ADAMTSL3: variants seen among roughly 807,000 people sequenced by gnomAD.
The protein encoded by ADAMTSL3 is ADAMTS-like protein 3.
Under a neutral mutation model 201.7 loss-of-function variants are expected in ADAMTSL3, and 128 were observed. The observed-to-expected ratio is 0.63, with a 90% confidence interval of 0.55 to 0.73. ADAMTSL3 has a LOEUF of 0.73. ADAMTSL3 is among the 30% of genes least tolerant of loss of function. The probability of loss-of-function intolerance (pLI) is 0.00; values close to 1 mark genes in which losing one functional copy is unlikely to be tolerated. For synonymous variants in ADAMTSL3, 738 were observed against 748.4 expected (o/e 0.99, Z 0.23); for missense variants, 1,990 against 2,119.6 (o/e 0.94, Z 1.20).
intron 10 of ADAMTSL3, 145 bp from the exon 11 acceptor site, chr15:83,889,964 T>C: frequency 5.2e-6 from 4 of 762,624 alleles, no homozygotes; most frequent in Non-Finnish European, 8.2e-6. Context: ...AAAGCTCCCA[T>C]GTGGTTCTGT....
chr15:83,757,185 C>G (rs2141691058), intron 3 of ADAMTSL3, among the ~76,000 whole-genome samples: 2 of 152,340 alleles, frequency 1.3e-5, no homozygotes, highest in Admixed American at 1.3e-4. Context: ...GGCCCGCACC[C>G]CAAATTTCCC....
intron 2 of ADAMTSL3, among the ~76,000 whole-genome samples, chr15:83,680,408 AT>A (rs1278064431): frequency 6.6e-6 from 1 of 151,608 alleles, no homozygotes; most frequent in Non-Finnish European, 1.5e-5. Flanking sequence ...AGTATACACC[AT>A]TTTGTCCATA....
chr15:83,712,014 C>G (rs909721871), intron 3 of ADAMTSL3, among the ~76,000 whole-genome samples: 2 of 152,164 alleles, frequency 1.3e-5, no homozygotes, highest in Non-Finnish European at 2.9e-5. Context: ...GAGATAAGTT[C>G]TGTTCTGACA....
chr15:83,971,686 G>T (rs1435123903), intron 20 of ADAMTSL3, among the ~76,000 whole-genome samples: 1 of 151,354 alleles, frequency 6.6e-6, no homozygotes, highest in African/African-American at 2.4e-5. Flanking sequence ...GAGGAGGTTG[G>T]GAAGGGAGGT....
intron 8 of ADAMTSL3, among the ~76,000 whole-genome samples, chr15:83,869,754 A>G (rs1053596268): frequency 1.3e-5 from 2 of 152,146 alleles, no homozygotes; most frequent in Admixed American, 6.5e-5. Context: ...TTTGTTTGAG[A>G]TTTTTAAAGA....
chr15:83,743,288 T>C (rs985904389), intron 3 of ADAMTSL3, among the ~76,000 whole-genome samples: 1 of 151,776 alleles, frequency 6.6e-6, no homozygotes, highest in Non-Finnish European at 1.5e-5. Flanking sequence ...CCGAGGCGGG[T>C]GGATCATGAG....
chr15:83,854,409 G>A (rs1770315742), intron 7 of ADAMTSL3, among the ~76,000 whole-genome samples: 1 of 152,166 alleles, frequency 6.6e-6, no homozygotes, highest in African/African-American at 2.4e-5. Flanking sequence ...GGTTTAATTA[G>A]AATTGGATTG....
In ADAMTSL3 at chr15:83,880,250, T is replaced by G. The variant is rs1413877843; in HGVS notation, c.961-4851T>G. On this transcript the variant is annotated intron_variant, in intron 9 of 29. Transcript: ENST00000286744. ...AAGCTCTTTGTTATGTATTTATATG[T>G]AATTATACCTTTACCTGTATCCAAT... Among the ~76,000 whole-genome samples the G allele has an allele frequency of 3.3e-5, 5 of 152,184 alleles. No individual in the cohort carries two copies. The South Asian group carries it at 1.0e-3, about 31-fold the overall frequency.
At chr15:83,982,065 T>G (rs948901386) in intron 20 of ADAMTSL3, among the ~76,000 whole-genome samples, 1 of 152,236 alleles carries the variant, frequency 6.6e-6, no homozygotes, top group Non-Finnish European at 1.5e-5. Flanking sequence ...ACTTGCATTC[T>G]TTGCCACTAA....
intron 5 of ADAMTSL3, among the ~76,000 whole-genome samples, chr15:83,808,277 A>G (rs1480183920): frequency 6.6e-6 from 1 of 152,214 alleles, no homozygotes; most frequent in Non-Finnish European, 1.5e-5. Flanking sequence ...AAACAACTCA[A>G]TAGCAAAGAA....
At chr15:83,873,012 A>G (rs1233862370) in intron 9 of ADAMTSL3, among the ~76,000 whole-genome samples, 2 of 145,834 alleles carry the variant, frequency 1.4e-5, no homozygotes, top group Non-Finnish European at 3.0e-5. Context: ...AATGTTTAAA[A>G]GGAAGAATGT....
intron 2 of ADAMTSL3, among the ~76,000 whole-genome samples, chr15:83,699,060 C>G (rs1395556821): frequency 6.6e-6 from 1 of 151,984 alleles, no homozygotes; most frequent in African/African-American, 2.4e-5. Context: ...CAAACTCTTT[C>G]TCTAGGGAGT....
chr15:83,913,492 G>A, intron 16 of ADAMTSL3, 114 bp downstream of exon 16: 1 of 1,051,314 alleles, frequency 9.5e-7, no homozygotes, highest in Non-Finnish European at 1.3e-6. Context: ...AGGAGGTGAA[G>A]TCATTCAAAT....
chr15:83,889,443 T>G (rs943991556), intron 10 of ADAMTSL3, among the ~76,000 whole-genome samples: 5 of 152,076 alleles, frequency 3.3e-5, no homozygotes, highest in African/African-American at 1.2e-4. Context: ...CTCAAAAACA[T>G]GATGTTGAGT....
intron 7 of ADAMTSL3, among the ~76,000 whole-genome samples, chr15:83,847,495 CTTTT>C (rs34900690): frequency 7.3e-6 from 1 of 137,916 alleles, no homozygotes. Flanking sequence ...TGCCAGGTAA[CTTTT>C]TTTTTTTTTT....
intron 7 of ADAMTSL3, among the ~76,000 whole-genome samples, chr15:83,852,951 G>A (rs891764074): frequency 7.2e-5 from 11 of 151,998 alleles, no homozygotes; most frequent in African/African-American, 2.7e-4. Flanking sequence ...CTGCCTCCTG[G>A]GTTCAAGTGA....
intron 3 of ADAMTSL3, among the ~76,000 whole-genome samples, chr15:83,714,761 CT>C (rs2061979590): frequency 4.8e-5 from 2 of 41,454 alleles, no homozygotes; most frequent in African/African-American, 1.5e-4. Flanking sequence ...CTTCCCTTTT[CT>C]CTTTCTTTCT....
chr15:83,664,257 C>G (rs1336177796), intron 2 of ADAMTSL3, among the ~76,000 whole-genome samples: 1 of 150,656 alleles, frequency 6.6e-6, no homozygotes, highest in East Asian at 1.9e-4. Context: ...TTGTTTCTTT[C>G]TTTTTCTTTT....
intron 9 of ADAMTSL3, among the ~76,000 whole-genome samples, chr15:83,882,747 G>GT (rs1213992545): frequency 6.6e-6 from 1 of 151,970 alleles, no homozygotes; most frequent in Non-Finnish European, 1.5e-5. Flanking sequence ...ACTTGACTTT[G>GT]TTTTCTTGAA....
Sources: gnomAD v4.1 joint callset for allele counts (sites outside exome capture counted in the v4.1 genomes callset) on GRCh38, gnomAD v4.1.1 for gene constraint, MANE v1.5 for transcripts, NCBI Gene and HGNC (gene_info 2026-07-23, HGNC 2026-07-21) for gene names.